The following GNAZ variants were observed in gnomAD, a reference collection of about 807,000 sequenced individuals.
GNAZ encodes guanine nucleotide-binding protein G(z) subunit alpha.
Under a neutral mutation model 25.4 loss-of-function variants are expected in GNAZ, and 3 were observed. The observed-to-expected ratio is 0.12, with a 90% CI of 0.05 to 0.30. The LOEUF (loss-of-function observed/expected upper bound fraction) is 0.30, where lower values mean the gene tolerates loss of function less well. Among genes scored for constraint, GNAZ ranks in the 10% least tolerant of loss-of-function variants. The probability of loss-of-function intolerance (pLI) is 1.00; values close to 1 mark genes in which losing one functional copy is unlikely to be tolerated. For synonymous variants in GNAZ, 211 were observed against 205.7 expected, an observed-to-expected ratio of 1.03 and a Z score of -0.22; for missense variants, 241 against 501.8, an observed-to-expected ratio of 0.48 and a Z score of 4.97.
chr22:23,096,017 T>C lies in GNAZ; in HGVS notation c.322T>C (p.Phe108Leu). Residue 108 changes from phenylalanine (F) to leucine (L), a missense_variant, in exon 2 of 3, where the codon TTT becomes CTT. Coordinates refer to ENST00000615612, the MANE Select transcript of GNAZ (RefSeq NM_002073.4). ...CCGCGCCTACGACGCTGTGCAGCTC[T>C]TTGCGCTGACGGGCCCCGCTGAGAG... ...PDRAYDAVQL[F>L]ALTGPAESKG... 1.9e-6 allele frequency: 3 copies of C among 1,607,548 alleles called. No homozygotes were observed. The highest frequency in any genetic ancestry group is 2.5e-6 in the Non-Finnish European group (3 of 1,179,960).
chr22:23,070,540 C>G lies in GNAZ; in HGVS notation c.-480C>G, dbSNP rs2068332292. Reference sequence around the variant, plus strand: ...CCCCGCCCCGCCCTGCCCGGAGCAGCTCGGCAGATGCTCTGTGCTGCGGCC... The same window carrying G: ...CCCCGCCCCGCCCTGCCCGGAGCAGGTCGGCAGATGCTCTGTGCTGCGGCC... On this transcript the variant is annotated 5_prime_UTR_variant, in exon 1 of 3. Transcript: ENST00000615612. The G allele has an allele frequency of 6.6e-6, 1 of 151,382 alleles. No individual in the cohort carries two copies. The highest frequency in any genetic ancestry group is 2.1e-4 in the South Asian group (1 of 4,842). 9.4% of individuals were successfully genotyped at this position (151,382 alleles called of 1,614,324 possible).
At chr22:23,079,648 G>T (rs964269040) in intron 1 of GNAZ, among the ~76,000 whole-genome samples, 8 of 152,196 alleles carry the variant, frequency 5.3e-5, no homozygotes, top group African/African-American at 1.9e-4. Flanking sequence ...TGCTGGTGGA[G>T]CACAGGGCAC....
In GNAZ at chr22:23,123,445, G is replaced by A. The variant is rs2070088371; in HGVS notation, c.*14G>A. 1 of 1,563,284 alleles carries A rather than the reference G, an allele frequency of 6.4e-7. No individual in the cohort carries two copies. Among genetic ancestry groups the A allele is most frequent in the African/African-American group, 1.4e-5 (1 of 73,936 alleles). On this transcript the variant is annotated 3_prime_UTR_variant, in exon 3 of 3. Transcript: ENST00000615612. Reference sequence around the variant, plus strand: ...GGCCTTTGCTGAGGAGCTGGGCCCGGGGCCCGCCTGCCTATGGTGAAACCC... The same window carrying A: ...GGCCTTTGCTGAGGAGCTGGGCCCGAGGCCCGCCTGCCTATGGTGAAACCC...
chr22:23,102,932 T>A (rs1211220451), intron 2 of GNAZ, among the ~76,000 whole-genome samples: 1 of 152,250 alleles, frequency 6.6e-6, no homozygotes, highest in East Asian at 1.9e-4. Flanking sequence ...GCGTGGGCTC[T>A]GCTGGGGCCT....
At chr22:23,102,524 C>G (rs568679451) in intron 2 of GNAZ, among the ~76,000 whole-genome samples, 3 of 152,232 alleles carry the variant, frequency 2.0e-5, no homozygotes, top group Non-Finnish European at 4.4e-5. Context: ...GCTCCTTGCC[C>G]TGGGTAGGTC....
In GNAZ at chr22:23,095,994, G is replaced by A. The variant is rs746553162; in HGVS notation, c.299G>A (p.Arg100His). 29 of 1,609,290 alleles carry A rather than the reference G, an allele frequency of 1.8e-5. No homozygotes were observed. The highest frequency in any genetic ancestry group is 2.7e-5 in the African/African-American group (2 of 74,934). The change falls in exon 2 of 3, where the codon CGC becomes CAC. Residue 100 changes from arginine to histidine, a missense_variant. Transcript: ENST00000615612. ...AGGATCGACTTCCACAACCCCGACC[G>A]CGCCTACGACGCTGTGCAGCTCTTT... ...ALRIDFHNPD[R>H]AYDAVQLFAL...
intron 2 of GNAZ, among the ~76,000 whole-genome samples, chr22:23,108,034 G>A (rs964993277): frequency 1.3e-5 from 2 of 152,310 alleles, no homozygotes; most frequent in East Asian, 1.9e-4. Context: ...CAGAAGTGGC[G>A]GGTCTGGGTG....
chr22:23,113,954 C>T (rs2069734927), intron 2 of GNAZ, among the ~76,000 whole-genome samples: 1 of 152,252 alleles, frequency 6.6e-6, no homozygotes, highest in Non-Finnish European at 1.5e-5. Context: ...CACACCCTGC[C>T]CAGCAGACAG....
intron 1 of GNAZ, among the ~76,000 whole-genome samples, chr22:23,087,005 C>T (rs1201814071): frequency 3.3e-5 from 5 of 152,288 alleles, no homozygotes; most frequent in African/African-American, 7.2e-5. Context: ...ATAAGTCGGG[C>T]GTAAAAGGGC....
At chr22:23,099,104 G>A (rs2069215182) in intron 2 of GNAZ, among the ~76,000 whole-genome samples, 1 of 152,212 alleles carries the variant, frequency 6.6e-6, no homozygotes, top group Non-Finnish European at 1.5e-5. Flanking sequence ...CCCTGATGCT[G>A]GCAGTGCCTC....
chr22:23,082,218 T>C (rs192657640), intron 1 of GNAZ, among the ~76,000 whole-genome samples: 42 of 152,016 alleles, frequency 2.8e-4, no homozygotes, highest in African/African-American at 9.9e-4. Flanking sequence ...TTTTTTGTTT[T>C]TGTTTGTTTG....
At chr22:23,111,755 G>C (rs577820038) in intron 2 of GNAZ, among the ~76,000 whole-genome samples, 1 of 152,328 alleles carries the variant, frequency 6.6e-6, no homozygotes, top group Non-Finnish European at 1.5e-5. Flanking sequence ...AGCCAGCAGG[G>C]TCGTGGGCAA....
chr22:23,100,821 A>T (rs1225353700), intron 2 of GNAZ, among the ~76,000 whole-genome samples: 1 of 152,106 alleles, frequency 6.6e-6, no homozygotes, highest in Non-Finnish European at 1.5e-5. Flanking sequence ...TCCCAAGGAG[A>T]CCCTATGGGT....
chr22:23,101,422 C>T (rs1240121728), intron 2 of GNAZ, among the ~76,000 whole-genome samples: 1 of 152,194 alleles, frequency 6.6e-6, no homozygotes, highest in Non-Finnish European at 1.5e-5. Context: ...AGCCTTCCCT[C>T]AGGAGAGTGG....
intron 1 of GNAZ, among the ~76,000 whole-genome samples, chr22:23,072,793 T>C (rs1189618028): frequency 1.3e-5 from 2 of 152,216 alleles, no homozygotes; most frequent in African/African-American, 4.8e-5. Flanking sequence ...AGCCTCTCAG[T>C]CCTTTTGTTT....
In GNAZ at chr22:23,124,893, C is replaced by T. The variant is rs13407; in HGVS notation, c.*1462C>T. The T allele has an allele frequency of 0.48, 74,007 of 152,606 alleles. 18,586 individuals carry two copies. The highest frequency in any genetic ancestry group is 0.57 in the Middle Eastern group (167 of 294). 9.5% of individuals were successfully genotyped at this position (152,606 alleles called of 1,614,324 possible). A position where few individuals can be genotyped will look rare whatever the true frequency, so the allele number is the denominator to read the frequency against. On this transcript the variant is annotated 3_prime_UTR_variant, in exon 3 of 3. Transcript: ENST00000615612. ...CTTGCCAGATCTCCCTCCCTCTCTC[C>T]GTGCAGTAGCTGTGTGTCCGAGGTC...
rs754315986 is a variant in GNAZ at position 23,123,587 on chromosome 22, AAACAT to A, written c.*159_*163del. The A allele has an allele frequency of 2.2e-5, 13 of 604,492 alleles. No homozygotes were observed. The highest frequency in any genetic ancestry group is 8.8e-6 in the Non-Finnish European group (3 of 339,692). 37.4% of individuals were successfully genotyped at this position (604,492 alleles called of 1,614,324 possible). On this transcript the variant is annotated 3_prime_UTR_variant, in exon 3 of 3. Coordinates refer to ENST00000615612, the MANE Select transcript of GNAZ (RefSeq NM_002073.4). ...TGCCTCCTTGGCCCCACATTTCTGC[AAACAT>A]AAATATTTACGGATAGATTGCTAGG...
intron 2 of GNAZ, among the ~76,000 whole-genome samples, chr22:23,112,239 C>T (rs1467180207): frequency 6.6e-6 from 1 of 152,330 alleles, no homozygotes; most frequent in Admixed American, 6.5e-5. Flanking sequence ...CTTCTGCTTC[C>T]CCAGCTGCCA....
intron 1 of GNAZ, among the ~76,000 whole-genome samples, chr22:23,091,229 C>T (rs541867077): frequency 6.6e-6 from 1 of 152,344 alleles, no homozygotes; most frequent in South Asian, 2.1e-4. Flanking sequence ...CAGACACATG[C>T]ACACACTGGC....
Sources: allele counts gnomAD v4.1 joint callset (sites outside exome capture counted in the v4.1 genomes callset), GRCh38; gene constraint gnomAD v4.1.1; transcripts MANE v1.5; gene names NCBI Gene and HGNC (gene_info 2026-07-23, HGNC 2026-07-21).